The following CLPB variants were observed in gnomAD, a reference collection of about 807,000 sequenced individuals.
CLPB encodes mitochondrial disaggregase.
Under a neutral mutation model 78.4 loss-of-function variants are expected in CLPB, and 40 were observed. The observed-to-expected ratio is 0.51, with a 90% CI of 0.40 to 0.66. The LOEUF (loss-of-function observed/expected upper bound fraction) is 0.66. CLPB is among the 30% of genes least tolerant of loss of function. The probability of loss-of-function intolerance (pLI) is 0.00; values close to 1 mark genes in which losing one functional copy is unlikely to be tolerated. For missense variants in CLPB, 780 were observed against 886.9 expected, an observed-to-expected ratio of 0.88 and a Z score of 1.53; for synonymous variants, 333 against 348.0, an observed-to-expected ratio of 0.96 and a Z score of 0.48.
At chr11:72,347,616 A>C (rs1006377751) in intron 5 of CLPB, among the ~76,000 whole-genome samples, 4 of 152,238 alleles carry the variant, frequency 2.6e-5, no homozygotes, top group Admixed American at 6.5e-5. Context: ...TACAAGTATT[A>C]ACTATTCAAA....
chr11:72,335,875 T>C (rs926363432), intron 5 of CLPB, among the ~76,000 whole-genome samples: 1 of 152,230 alleles, frequency 6.6e-6, no homozygotes, highest in African/African-American at 2.4e-5. Context: ...AGAACCTTTA[T>C]GATAGCAATA....
rs565282696 is a variant in CLPB at position 72,359,452 on chromosome 11, T to C, written c.647-444A>G. ...AAAGGATGAAGAGAAGTTATGCAGG[T>C]AAAGAAAGCAGGTTGGGGTAGGATA... On this transcript the variant is annotated intron_variant, in intron 4 of 15. Coordinates refer to ENST00000538039, the MANE Select transcript of CLPB (RefSeq NM_001258392.3). 9.2e-4 allele frequency among the ~76,000 whole-genome samples: 140 copies of C among 152,068 alleles called. 1 individual carries two copies. Among genetic ancestry groups the C allele is most frequent in the Non-Finnish European group, 2.6e-4 (18 of 68,002 alleles).
intron 2 of CLPB, among the ~76,000 whole-genome samples, chr11:72,416,997 G>T (rs980198619): frequency 6.6e-6 from 1 of 152,248 alleles, no homozygotes; most frequent in East Asian, 1.9e-4. Context: ...AAGCCACCCT[G>T]GAAAATGGTT....
At chr11:72,411,543 T>G (rs1855875635) in intron 2 of CLPB, among the ~76,000 whole-genome samples, 1 of 152,170 alleles carries the variant, frequency 6.6e-6, no homozygotes, top group African/African-American at 2.4e-5. Flanking sequence ...ATGTGTAGCA[T>G]CAAAATGAAA....
intron 5 of CLPB, 151 bp downstream of exon 5, chr11:72,358,729 A>G: frequency 1.4e-6 from 1 of 692,372 alleles, no homozygotes; most frequent in Non-Finnish European, 2.4e-6. Flanking sequence ...GGAGGATAAC[A>G]GGGCTCTGGG....
chr11:72,357,636 C>T (rs529260744), intron 5 of CLPB, among the ~76,000 whole-genome samples: 5 of 139,222 alleles, frequency 3.6e-5, no homozygotes, highest in African/African-American at 8.3e-5. Flanking sequence ...GCAGAGGTCA[C>T]GGTAAGCCAA....
In CLPB at chr11:72,302,463, A is replaced by G. The variant is rs941499183; in HGVS notation, c.1123-115T>C. The G allele has an allele frequency of 9.3e-6, 8 of 857,486 alleles. No homozygotes were observed. In the African/African-American group the frequency reaches 1.2e-4, roughly 12 times the overall value. The allele number at this position is 857,486 out of a possible 1,614,324, so 53.1% of individuals were successfully genotyped here. On this transcript the variant is annotated intron_variant, in intron 9 of 15. Coordinates refer to ENST00000538039, the MANE Select transcript of CLPB (RefSeq NM_001258392.3). ...GGCTTTCACACCACACCAACATAAGATCTTCTATCTCACGCTCAAGATGTT... is the reference window on the plus strand; with the variant it reads ...GGCTTTCACACCACACCAACATAAGGTCTTCTATCTCACGCTCAAGATGTT...
In CLPB at chr11:72,309,248, G is replaced by A. The variant is rs1217767715; in HGVS notation, c.989-644C>T. On this transcript the variant is annotated intron_variant, in intron 7 of 15. Coordinates refer to ENST00000538039, the MANE Select transcript of CLPB (RefSeq NM_001258392.3). ...CAGTGGTGGAGGGAGTGGGGAGCAC[G>A]GGGAGTGGGACAGATAGGTACCAGG... Among the ~76,000 whole-genome samples, 4 of 152,154 alleles carry A rather than the reference G, an allele frequency of 2.6e-5. No homozygotes were observed. In the East Asian group the frequency reaches 5.8e-4, roughly 22 times the overall value.
At chr11:72,430,080 C>G (rs917527122) in intron 2 of CLPB, among the ~76,000 whole-genome samples, 1 of 152,114 alleles carries the variant, frequency 6.6e-6, no homozygotes, top group Non-Finnish European at 1.5e-5. Context: ...CAGTGAAGAA[C>G]AAAATAGCTG....
rs374473067 is a variant in CLPB at position 72,372,958 on chromosome 11, C to A, written c.646+7323G>T. On this transcript the variant is annotated intron_variant, in intron 4 of 15. Coordinates refer to ENST00000538039, the MANE Select transcript of CLPB (RefSeq NM_001258392.3). ...GGGAGTCCTAGCCATCTCCTGAACT[C>A]CAGGGCACTTGTCCACTGGTTTGTG... 1.1e-4 allele frequency: 181 copies of A among 1,614,034 alleles called. No individual in the cohort carries two copies. Among genetic ancestry groups the A allele is most frequent in the Non-Finnish European group, 1.5e-4 (178 of 1,180,026 alleles).
At chr11:72,331,419 T>A (rs904251452) in intron 5 of CLPB, among the ~76,000 whole-genome samples, 7 of 150,178 alleles carry the variant, frequency 4.7e-5, no homozygotes, top group Admixed American at 2.0e-4. Context: ...AAAAAAAAAA[T>A]TTTAAGAGAC....
chr11:72,394,047 A>G (rs925883007), intron 3 of CLPB, among the ~76,000 whole-genome samples: 4 of 152,218 alleles, frequency 2.6e-5, no homozygotes, highest in Non-Finnish European at 5.9e-5. Flanking sequence ...TCTGATGTCC[A>G]TTCATACATA....
intron 3 of CLPB, among the ~76,000 whole-genome samples, chr11:72,394,980 G>T (rs955318316): frequency 1.3e-5 from 2 of 152,152 alleles, no homozygotes; most frequent in African/African-American, 4.8e-5. Context: ...GCACATCTCT[G>T]CTTTCCACCT....
At chr11:72,416,663 G>A (rs1036792730) in intron 2 of CLPB, among the ~76,000 whole-genome samples, 1 of 150,128 alleles carries the variant, frequency 6.7e-6, no homozygotes, top group Admixed American at 6.7e-5. Flanking sequence ...TTGAACCCGG[G>A]AGGCAGAGGT....
intron 8 of CLPB, 23 bp from the exon 9 acceptor site, chr11:72,307,277 T>A (rs1949762617): frequency 6.2e-7 from 1 of 1,611,250 alleles, no homozygotes; most frequent in Non-Finnish European, 8.5e-7. Context: ...AAGGGGGAGG[T>A]GTTGGGTTAG....
At chr11:72,359,816 G>A (rs1420478035) in intron 4 of CLPB, among the ~76,000 whole-genome samples, 1 of 152,118 alleles carries the variant, frequency 6.6e-6, no homozygotes, top group East Asian at 1.9e-4. Context: ...AGAAGAACAA[G>A]CATTTCATGT....
intron 11 of CLPB, among the ~76,000 whole-genome samples, chr11:72,300,663 C>T (rs530056941): frequency 2.0e-5 from 3 of 152,134 alleles, no homozygotes; most frequent in African/African-American, 4.8e-5. Context: ...ATGTGCTGTT[C>T]GGTCTGGAGG....
At chr11:72,336,743 G>T in intron 5 of CLPB, 1 of 223,882 alleles carries the variant, frequency 4.5e-6, no homozygotes, top group Non-Finnish European at 8.7e-6. Context: ...TCCTTCCCAT[G>T]ATCAGAGACA....
At chr11:72,397,545 T>C (rs1380364932) in intron 3 of CLPB, among the ~76,000 whole-genome samples, 1 of 152,192 alleles carries the variant, frequency 6.6e-6, no homozygotes, top group African/African-American at 2.4e-5. Context: ...ATTGTCAGTT[T>C]TCCTAAATTT....
Sources: allele counts gnomAD v4.1 joint callset (sites outside exome capture counted in the v4.1 genomes callset), GRCh38; gene constraint gnomAD v4.1.1; transcripts MANE v1.5; gene names NCBI Gene and HGNC (gene_info 2026-07-23, HGNC 2026-07-21).